Variants in HDAC9 observed in about 807,000 individuals in gnomAD.
HDAC9 encodes histone deacetylase 9.
In HDAC9, 41 loss-of-function variants were observed where a neutral mutation model predicts 139.4. The ratio of observed to expected loss-of-function variants is 0.29; its 90% CI spans 0.23 to 0.38. The LOEUF (loss-of-function observed/expected upper bound fraction) is 0.38, where lower values mean the gene tolerates loss of function less well. Ranked by LOEUF, HDAC9 falls within the 10% of genes least tolerant of loss-of-function variation. The pLI is 1.00. For synonymous variants in HDAC9, 517 were observed against 476.2 expected, an observed-to-expected ratio of 1.09 and a Z score of -1.12; for missense variants, 1,147 against 1,297.0, an observed-to-expected ratio of 0.88 and a Z score of 1.78.
chr7:18,290,290 A>G (rs1349730557), upstream of HDAC9: 3 of 354,096 alleles, frequency 8.5e-6, no homozygotes, highest in Non-Finnish European at 1.7e-5. Flanking sequence ...GTCTTTATAA[A>G]GTCGTTCAGT....
chr7:18,978,351 G>A (rs983188779), intron 25 of HDAC9, among the ~76,000 whole-genome samples: 1 of 152,114 alleles, frequency 6.6e-6, no homozygotes, highest in African/African-American at 2.4e-5. Context: ...AAATGCTCCT[G>A]GCTAAGAACC....
chr7:18,194,938 T>TTG (rs112692661), intron 2 of HDAC9, among the ~76,000 whole-genome samples: 9,425 of 148,780 alleles, frequency 0.063, 400 homozygotes, highest in African/African-American at 0.12. Context: ...CTTTATAGTT[T>TTG]TGTGTGTGTG....
At chr7:18,903,844 A>G (rs1381409491) in intron 22 of HDAC9, among the ~76,000 whole-genome samples, 3 of 152,196 alleles carry the variant, frequency 2.0e-5, no homozygotes, top group Non-Finnish European at 2.9e-5. Context: ...GTAGTCAAGC[A>G]TGCTGTTCTC....
At chr7:18,377,406 G>A (rs551429117) in intron 1 of HDAC9, among the ~76,000 whole-genome samples, 3 of 152,196 alleles carry the variant, frequency 2.0e-5, no homozygotes, top group African/African-American at 7.2e-5. Context: ...TAAGTTTTAT[G>A]TACAAAATGT....
At chr7:18,106,554 G>A (rs1783220169) in intron 1 of HDAC9, among the ~76,000 whole-genome samples, 1 of 152,234 alleles carries the variant, frequency 6.6e-6, no homozygotes, top group African/African-American at 2.4e-5. Context: ...CCAGGTTCAA[G>A]TGATTCTCCT....
intron 15 of HDAC9, among the ~76,000 whole-genome samples, chr7:18,766,848 A>G (rs1789873443): frequency 6.6e-6 from 1 of 152,176 alleles, no homozygotes; most frequent in Non-Finnish European, 1.5e-5. Context: ...GCATGTGTTT[A>G]TTCATGTGGG....
At chr7:18,565,043 G>A (rs1168866283) in intron 2 of HDAC9, among the ~76,000 whole-genome samples, 1 of 151,438 alleles carries the variant, frequency 6.6e-6, no homozygotes, top group Middle Eastern at 3.2e-3. Flanking sequence ...TGTTGCCCAG[G>A]CTGGAGTGCA....
At chr7:18,250,585 G>A (rs1227659223) in intron 2 of HDAC9, among the ~76,000 whole-genome samples, 1 of 152,148 alleles carries the variant, frequency 6.6e-6, no homozygotes, top group Non-Finnish European at 1.5e-5. Context: ...ACTTAGCTGA[G>A]AGCCTTACAC....
At chr7:18,201,143 T>C (rs1791089150) in intron 2 of HDAC9, among the ~76,000 whole-genome samples, 1 of 152,134 alleles carries the variant, frequency 6.6e-6, no homozygotes, top group South Asian at 2.1e-4. Context: ...TCTGCAAGTC[T>C]ATCCGGCTGC....
chr7:18,833,075 T>C (rs1489087918), intron 19 of HDAC9, among the ~76,000 whole-genome samples: 2 of 152,182 alleles, frequency 1.3e-5, no homozygotes, highest in Non-Finnish European at 2.9e-5. Flanking sequence ...CTGTGAGTTG[T>C]TCCCCCAAAC....
intron 2 of HDAC9, among the ~76,000 whole-genome samples, chr7:18,195,038 A>G (rs1004946869): frequency 2.0e-5 from 3 of 152,052 alleles, no homozygotes; most frequent in East Asian, 3.9e-4. Flanking sequence ...AACTAATATT[A>G]CTTAAATAAA....
chr7:18,793,181 A>G (rs1792481934), intron 16 of HDAC9, 164 bp from the exon 17 acceptor site: 1 of 608,138 alleles, frequency 1.6e-6, no homozygotes. Flanking sequence ...CGGAAGACTA[A>G]TGTTATTGTA....
At chr7:18,183,530 T>TC (rs2128142940) in intron 2 of HDAC9, among the ~76,000 whole-genome samples, 1 of 152,344 alleles carries the variant, frequency 6.6e-6, no homozygotes, top group South Asian at 2.1e-4. Flanking sequence ...TTCCATTTTT[T>TC]CACCTTACTC....
chr7:18,597,763 C>T (rs1382957353), intron 6 of HDAC9, among the ~76,000 whole-genome samples: 1 of 152,088 alleles, frequency 6.6e-6, no homozygotes, highest in East Asian at 1.9e-4. Flanking sequence ...ACAGTCTTTC[C>T]ATTTAATACT....
At chr7:18,767,444 A>G (rs907447990) in intron 16 of HDAC9, among the ~76,000 whole-genome samples, 3 of 152,230 alleles carry the variant, frequency 2.0e-5, no homozygotes, top group African/African-American at 7.2e-5. Context: ...TCATGAAGCC[A>G]GCTTTGCTAG....
At chr7:18,687,923 C>A (rs1051890339) in intron 12 of HDAC9, among the ~76,000 whole-genome samples, 4 of 151,690 alleles carry the variant, frequency 2.6e-5, no homozygotes, top group Non-Finnish European at 5.9e-5. Flanking sequence ...TAAACTCTGG[C>A]TAGATAACTT....
chr7:18,906,142 G>A (rs974035774), intron 22 of HDAC9, among the ~76,000 whole-genome samples: 34 of 136,370 alleles, frequency 2.5e-4, no homozygotes, highest in Admixed American at 1.3e-3. Context: ...TTTTTTTAAC[G>A]TTATTTTTTT....
intron 1 of HDAC9, among the ~76,000 whole-genome samples, chr7:18,318,992 C>T (rs1449090346): frequency 2.0e-5 from 3 of 152,190 alleles, no homozygotes; most frequent in Admixed American, 1.3e-4. Context: ...CCTCCTCAGT[C>T]AGAATCTGCA....
intron 1 of HDAC9, among the ~76,000 whole-genome samples, chr7:18,141,058 C>A: frequency 6.6e-6 from 1 of 152,050 alleles, no homozygotes; most frequent in African/African-American, 2.4e-5. Context: ...AAGTTGTGTG[C>A]CCTGATTAGC....
Sources: gnomAD v4.1 joint callset for allele counts (sites outside exome capture counted in the v4.1 genomes callset) on GRCh38, gnomAD v4.1.1 for gene constraint, MANE v1.5 for transcripts, NCBI Gene and HGNC (gene_info 2026-07-23, HGNC 2026-07-21) for gene names.